Variants in GTF2I observed in about 807,000 individuals in gnomAD.
The protein encoded by GTF2I is general transcription factor II-I.
GTF2I carries 12 observed loss-of-function variants against 67.6 expected under a neutral mutation model. The observed-to-expected ratio is 0.18, with a 90% confidence interval of 0.11 to 0.29. The LOEUF is 0.29. Among genes scored for constraint, GTF2I ranks in the 10% least tolerant of loss-of-function variants. GTF2I has a pLI of 1.00. For missense variants in GTF2I, 271 were observed against 580.1 expected, an observed-to-expected ratio of 0.47 and a Z score of 5.47; for synonymous variants, 149 against 197.0, an observed-to-expected ratio of 0.76 and a Z score of 2.04.
intron 8 of GTF2I, among the ~76,000 whole-genome samples, chr7:74,710,317 A>G (rs1791369618): frequency 6.6e-6 from 1 of 151,904 alleles, no homozygotes; most frequent in Non-Finnish European, 1.5e-5. Flanking sequence ...GCACCCATGC[A>G]TTGTTCATTT....
At chr7:74,681,122 TAGA>T (rs1787233918) in intron 1 of GTF2I, among the ~76,000 whole-genome samples, 2 of 152,102 alleles carry the variant, frequency 1.3e-5, no homozygotes, top group Admixed American at 1.3e-4. Flanking sequence ...ACGTTGAGAA[TAGA>T]AGAACTGAGG....
intron 1 of GTF2I, among the ~76,000 whole-genome samples, chr7:74,663,056 C>T (rs1400089910): frequency 6.6e-6 from 1 of 152,162 alleles, no homozygotes; most frequent in Non-Finnish European, 1.5e-5. Context: ...TGAACAATTA[C>T]TAAACACTTA....
At chr7:74,705,010 G>A (rs1790428045) in intron 6 of GTF2I, among the ~76,000 whole-genome samples, 154 bp from the exon 7 acceptor site, 1 of 152,100 alleles carries the variant, frequency 6.6e-6, no homozygotes, top group Admixed American at 6.5e-5. Flanking sequence ...AGGAGGTTGT[G>A]GTTGGGTGAA....
intron 11 of GTF2I, among the ~76,000 whole-genome samples, chr7:74,717,956 G>A (rs587691064): frequency 6.6e-6 from 1 of 152,292 alleles, no homozygotes; most frequent in East Asian, 1.9e-4. Flanking sequence ...AATGTTGTAT[G>A]CTTTACTGTG....
At chr7:74,666,370 A>G (rs1473320950) in intron 1 of GTF2I, among the ~76,000 whole-genome samples, 13 of 152,172 alleles carry the variant, frequency 8.5e-5, no homozygotes, top group African/African-American at 3.1e-4. Flanking sequence ...TTAGACTTTA[A>G]TGCACTTAAA....
chr7:74,701,980 C>T (rs968648644), intron 6 of GTF2I, among the ~76,000 whole-genome samples: 3 of 152,172 alleles, frequency 2.0e-5, no homozygotes, highest in Admixed American at 6.5e-5. Flanking sequence ...CGAGGCTCAT[C>T]GAGCTTGGTA....
At chr7:74,674,155 G>A (rs1332465575) in intron 1 of GTF2I, among the ~76,000 whole-genome samples, 1 of 146,896 alleles carries the variant, frequency 6.8e-6, no homozygotes, top group Non-Finnish European at 1.5e-5. Context: ...CTGCAGCGTC[G>A]AACTCCTAGG....
At chr7:74,695,593 A>G (rs1339638476) in intron 3 of GTF2I, among the ~76,000 whole-genome samples, 1 of 152,178 alleles carries the variant, frequency 6.6e-6, no homozygotes, top group East Asian at 1.9e-4. Flanking sequence ...TAATTCACGA[A>G]TTTTAATTCC....
At chr7:74,731,653 TC>T (rs1794493595) in intron 14 of GTF2I, among the ~76,000 whole-genome samples, 3 of 150,874 alleles carry the variant, frequency 2.0e-5, no homozygotes, top group Admixed American at 2.0e-4. Context: ...CAAGCAATTC[TC>T]CTGTCTGAGC....
At chr7:74,750,628 C>T in intron 26 of GTF2I, among the ~76,000 whole-genome samples, 1 of 76,976 alleles carries the variant, frequency 1.3e-5, no homozygotes, top group Non-Finnish European at 2.2e-5. Context: ...TTTTGTGAGA[C>T]AGAATCTCGC....
chr7:74,658,999 C>T (rs1262794730), intron 1 of GTF2I, among the ~76,000 whole-genome samples: 3 of 152,120 alleles, frequency 2.0e-5, no homozygotes, highest in Non-Finnish European at 4.4e-5. Flanking sequence ...CGCTGATTTG[C>T]GGCTGGGGAT....
Position 74,698,246 on chromosome 7 carries a change from C to T in GTF2I, c.239-715C>T, listed in dbSNP as rs1184938216. Among the ~76,000 whole-genome samples the T allele has an allele frequency of 3.9e-5, 6 of 152,062 alleles. No individual in the cohort carries two copies. The East Asian group carries it at 9.7e-4, about 25-fold the overall frequency. ...CAGGGATTACAGGCGTGAGCCACCGCGCCCGGCCTAATTTTTGTATTTTTA... is the reference window on the plus strand; with the variant it reads ...CAGGGATTACAGGCGTGAGCCACCGTGCCCGGCCTAATTTTTGTATTTTTA... On this transcript the variant is annotated intron_variant, in intron 3 of 34. Coordinates refer to ENST00000573035, the MANE Select transcript of GTF2I (RefSeq NM_032999.4).
intron 12 of GTF2I, chr7:74,727,496 T>A (rs1794001134): frequency 6.6e-6 from 1 of 152,220 alleles, no homozygotes; most frequent in Non-Finnish European, 1.5e-5. Context: ...TCCAATCAAA[T>A]AACATCCTCT....
intron 3 of GTF2I, among the ~76,000 whole-genome samples, chr7:74,698,252 G>T (rs943389371): frequency 1.3e-5 from 2 of 151,916 alleles, no homozygotes; most frequent in Admixed American, 6.6e-5. Context: ...ACCGCGCCCG[G>T]CCTAATTTTT....
At chr7:74,705,069 T>G in intron 6 of GTF2I, 95 bp from the exon 7 acceptor site, 1 of 780,074 alleles carries the variant, frequency 1.3e-6, no homozygotes, top group East Asian at 2.5e-5. Flanking sequence ...CTGCAAAGCC[T>G]AGTTCTACCC....
intron 1 of GTF2I, among the ~76,000 whole-genome samples, chr7:74,667,500 A>G (rs901134174): frequency 6.6e-6 from 1 of 152,180 alleles, no homozygotes. Flanking sequence ...ACTTAACACA[A>G]AAATTACCAT....
At position 74,689,728 on chromosome 7, in the gene GTF2I, T is replaced by C. The variant is rs587745709; in HGVS notation, c.99+501T>C. On this transcript the variant is annotated intron_variant, in intron 2 of 34. Transcript: ENST00000573035. ...ACAGTCATTCATTCATTCATTCATTTATTTGAGACAGAGTTTCGCTCTTGT... is the reference window on the plus strand; with the variant it reads ...ACAGTCATTCATTCATTCATTCATTCATTTGAGACAGAGTTTCGCTCTTGT... 4.0e-5 allele frequency among the ~76,000 whole-genome samples: 6 copies of C among 151,870 alleles called. No homozygotes were observed. In the South Asian group the frequency reaches 1.0e-3, roughly 26 times the overall value.
chr7:74,662,511 CTTTTT>C (rs1161320476), intron 1 of GTF2I, among the ~76,000 whole-genome samples: 4 of 50,218 alleles, frequency 8.0e-5, no homozygotes, highest in Admixed American at 3.4e-4. Context: ...CACCTGGACC[CTTTTT>C]TTTTTTTTTT....
At chr7:74,675,980 A>G (rs1554392253) in intron 1 of GTF2I, among the ~76,000 whole-genome samples, 1 of 152,202 alleles carries the variant, frequency 6.6e-6, no homozygotes, top group Non-Finnish European at 1.5e-5. Flanking sequence ...ACTGCACTGC[A>G]GCCTGGGTGA....
Sources: gnomAD v4.1 joint callset for allele counts (sites outside exome capture counted in the v4.1 genomes callset) on GRCh38, gnomAD v4.1.1 for gene constraint, MANE v1.5 for transcripts, NCBI Gene and HGNC (gene_info 2026-07-23, HGNC 2026-07-21) for gene names.